The following FAM184A variants were observed in gnomAD, a reference collection of about 807,000 sequenced individuals.
FAM184A encodes the protein family with sequence similarity 184 member A.
A neutral mutation model predicts 143.8 loss-of-function variants in FAM184A; 99 were observed. The observed-to-expected ratio is 0.69, with a 90% CI of 0.58 to 0.81. The LOEUF (loss-of-function observed/expected upper bound fraction) is 0.81, where lower values mean the gene tolerates loss of function less well. FAM184A is among the 40% of genes least tolerant of loss of function. FAM184A has a pLI of 0.00. For synonymous variants in FAM184A, 427 were observed against 446.4 expected, an observed-to-expected ratio of 0.96 and a Z score of 0.55; for missense variants, 1,217 against 1,310.5, an observed-to-expected ratio of 0.93 and a Z score of 1.10.
chr6:119,072,769 A>G (rs1270287532), intron 1 of FAM184A, among the ~76,000 whole-genome samples: 1 of 152,194 alleles, frequency 6.6e-6, no homozygotes, highest in Non-Finnish European at 1.5e-5. Flanking sequence ...AAAATACATT[A>G]AGAAATAAAA....
intron 1 of FAM184A, among the ~76,000 whole-genome samples, chr6:119,120,786 AAAAT>A (rs1208941202): frequency 6.7e-6 from 1 of 150,338 alleles, no homozygotes; most frequent in Non-Finnish European, 1.5e-5. Flanking sequence ...TTTATGGACT[AAAAT>A]AAAGTGATGG....
intron 16 of FAM184A, 107 bp from the exon 17 acceptor site, chr6:118,962,070 A>G (rs1265276597): frequency 2.7e-5 from 28 of 1,056,334 alleles, no homozygotes; most frequent in East Asian, 1.4e-4. Context: ...TGGAAGCTTT[A>G]TGTTAAATTA....
At chr6:119,108,493 C>T (rs1277444267) in intron 1 of FAM184A, among the ~76,000 whole-genome samples, 1 of 152,048 alleles carries the variant, frequency 6.6e-6, no homozygotes, top group African/African-American at 2.4e-5. Flanking sequence ...TTTTCTTTGC[C>T]TCTGCCGAAA....
At chr6:118,964,936 T>A (rs1783450794) in intron 15 of FAM184A, among the ~76,000 whole-genome samples, 165 bp from the exon 16 acceptor site, 1 of 152,204 alleles carries the variant, frequency 6.6e-6, no homozygotes, top group African/African-American at 2.4e-5. Flanking sequence ...TCTTAAGGAA[T>A]GTTGGGGGAT....
At chr6:119,030,796 C>G (rs1455749673) in intron 1 of FAM184A, among the ~76,000 whole-genome samples, 1 of 151,688 alleles carries the variant, frequency 6.6e-6, no homozygotes. Flanking sequence ...CTTAAAGTCT[C>G]TTTTCATAAA....
chr6:119,102,138 A>G (rs1242832821), intron 1 of FAM184A, among the ~76,000 whole-genome samples: 1 of 152,216 alleles, frequency 6.6e-6, no homozygotes, highest in Non-Finnish European at 1.5e-5. Flanking sequence ...ATAATATTCT[A>G]TCATGGAAAA....
At chr6:119,007,165 T>G (rs568284866) in intron 6 of FAM184A, among the ~76,000 whole-genome samples, 1 of 152,298 alleles carries the variant, frequency 6.6e-6, no homozygotes, top group Non-Finnish European at 1.5e-5. Flanking sequence ...TAGAAGCTAA[T>G]AGATAATTGC....
chr6:119,065,566 C>G (rs1297875492), intron 1 of FAM184A, among the ~76,000 whole-genome samples: 1 of 152,164 alleles, frequency 6.6e-6, no homozygotes, highest in East Asian at 1.9e-4. Flanking sequence ...TAATAGTTAT[C>G]TAGTCCATCT....
chr6:119,051,201 TAAAAAA>T (rs1324969989), intron 1 of FAM184A, among the ~76,000 whole-genome samples: 1 of 152,020 alleles, frequency 6.6e-6, no homozygotes, highest in Non-Finnish European at 1.5e-5. Context: ...AATTCAGCCA[TAAAAAA>T]GAATGAGACT....
At chr6:119,071,635 A>C (rs1401956200) in intron 1 of FAM184A, among the ~76,000 whole-genome samples, 1 of 152,178 alleles carries the variant, frequency 6.6e-6, no homozygotes, top group Non-Finnish European at 1.5e-5. Context: ...TCCAACATGG[A>C]AAAACAATAA....
intron 9 of FAM184A, among the ~76,000 whole-genome samples, chr6:118,996,848 G>A (rs1487307630): frequency 6.6e-6 from 1 of 151,374 alleles, no homozygotes; most frequent in Non-Finnish European, 1.5e-5. Flanking sequence ...CCAAGCAGCT[G>A]GAATTACACG....
chr6:119,129,524 T>C lies in FAM184A; in HGVS notation c.-202+19554A>G, dbSNP rs987458597. 6.6e-5 allele frequency among the ~76,000 whole-genome samples: 10 copies of C among 152,282 alleles called. No individual in the cohort carries two copies. In the South Asian group the frequency reaches 1.2e-3, roughly 19 times the overall value. ...TCAATCTGGTTTCACACTCGTTAAC[T>C]GCTTAAATTGTAGAAAGCGCATTTT... On this transcript the variant is annotated intron_variant, in intron 1 of 16. Transcript: ENST00000352896.
At chr6:119,057,739 T>C (rs1787043800) in intron 1 of FAM184A, 1 of 152,008 alleles carries the variant, frequency 6.6e-6, no homozygotes, top group Admixed American at 6.6e-5. Flanking sequence ...GGCAACCTTG[T>C]CTCTAAATAT....
intron 6 of FAM184A, among the ~76,000 whole-genome samples, chr6:119,009,741 TGTG>T (rs1785033602): frequency 6.6e-6 from 1 of 152,200 alleles, no homozygotes; most frequent in African/African-American, 2.4e-5. Flanking sequence ...GCCTCAGACT[TGTG>T]TTTACTTGTT....
chr6:119,012,357 A>G (rs1033298505), intron 5 of FAM184A, among the ~76,000 whole-genome samples: 11 of 152,316 alleles, frequency 7.2e-5, no homozygotes, highest in African/African-American at 2.6e-4. Flanking sequence ...CATGGCTGTG[A>G]TTATGGCACA....
intron 9 of FAM184A, among the ~76,000 whole-genome samples, chr6:119,001,938 CT>C (rs996900885): frequency 7.2e-5 from 11 of 151,810 alleles, no homozygotes; most frequent in Admixed American, 2.6e-4. Flanking sequence ...TTCCCTTGTT[CT>C]TTTTTTTGTC....
At position 119,016,746 on chromosome 6, in the gene FAM184A, C is replaced by T. The variant is rs545433444; in HGVS notation, c.1530+1G>A. The T allele has an allele frequency of 3.7e-6, 6 of 1,610,662 alleles. No homozygotes were observed. The highest frequency in any genetic ancestry group is 2.2e-5 in the South Asian group (2 of 90,898). On this transcript the variant is annotated splice_donor_variant, in intron 5 of 17. Transcript: ENST00000338891. LOFTEE classifies it high-confidence loss of function. ...CAATGATAAATTAAATTTTTACTCA[C>T]CATTTGCAGTTTTTTCTTATCCCTA... is the stretch of plus-strand genomic sequence containing the variant.
intron 1 of FAM184A, among the ~76,000 whole-genome samples, chr6:119,129,723 T>TG (rs1196934194): frequency 3.1e-4 from 30 of 97,824 alleles, no homozygotes; most frequent in Admixed American, 8.3e-4. Flanking sequence ...TGTGTGTGTG[T>TG]GGGGGGTTGT....
chr6:119,020,153 A>G lies in FAM184A; in HGVS notation c.1157T>C (p.Ile386Thr), dbSNP rs775837445. ...CATTTGAGTTGCTTGAAGCATTCCAATATGACCTATCCCCCAAAAAGAAAA... is the reference window on the plus strand; with the variant it reads ...CATTTGAGTTGCTTGAAGCATTCCAGTATGACCTATCCCCCAAAAAGAAAA... ...ASDLVLKASH[I>T]GMLQATQMTQ... The change falls in exon 4 of 18, where the codon ATT (isoleucine) becomes ACT (threonine). Residue 386 changes from isoleucine to threonine, a missense_variant. Transcript: ENST00000338891. 7.5e-5 allele frequency: 117 copies of G among 1,556,956 alleles called. No individual in the cohort carries two copies. The highest frequency in any genetic ancestry group is 9.1e-5 in the Non-Finnish European group (105 of 1,157,808).
Sources: gnomAD v4.1 joint callset for allele counts (sites outside exome capture counted in the v4.1 genomes callset) on GRCh38, gnomAD v4.1.1 for gene constraint, MANE v1.5 for transcripts, NCBI Gene and HGNC (gene_info 2026-07-23, HGNC 2026-07-21) for gene names.